XPNPEP2: variants seen among roughly 807,000 people sequenced by gnomAD.
The protein encoded by XPNPEP2 is X-prolyl aminopeptidase 2.
A neutral mutation model predicts 59.8 loss-of-function variants in XPNPEP2; 64 were observed. That is an observed-to-expected ratio of 1.07 (90% confidence interval 0.87 to 1.32). XPNPEP2 has a LOEUF of 1.32. Among genes scored for constraint, XPNPEP2 ranks in the 40% most tolerant of loss-of-function variants. XPNPEP2 has a pLI of 0.00. For missense variants in XPNPEP2, 575 were observed against 546.8 expected (o/e 1.05, Z -0.51); for synonymous variants, 235 against 210.0 (o/e 1.12, Z -1.03).
At chrX:129,742,747 A>C (rs550488093) in intron 2 of XPNPEP2, among the ~76,000 whole-genome samples, 3 of 111,028 alleles carry the variant, frequency 2.7e-5, no homozygotes, top group Middle Eastern at 4.6e-3. Flanking sequence ...ACTAAAAATA[A>C]AAAAATTAGC....
intron 17 of XPNPEP2, 113 bp from the exon 18 acceptor site, chrX:129,761,893 T>C (rs1926663100): frequency 2.8e-6 from 2 of 721,701 alleles, no homozygotes; most frequent in African/African-American, 2.1e-5. Context: ...GATGGACCTG[T>C]GCTCATAGAG....
Position 129,750,501 on chromosome X carries a change from G to T in XPNPEP2, c.671G>T (p.Arg224Leu), listed in dbSNP as rs144474012. 6 of 1,195,711 alleles carry T rather than the reference G, an allele frequency of 5.0e-6. No homozygotes were observed. The African/African-American group carries it at 5.2e-5, about 10-fold the overall frequency. ...STWQEKVSGVRSQMQKHQKVP... is the reference protein window; with the variant it reads ...STWQEKVSGVLSQMQKHQKVP... Reference sequence around the variant, plus strand: ...TGGCAGGAGAAAGTATCTGGCGTCCGAAGCCAGATGCAGAAGCATCAAAAG... The same window carrying T: ...TGGCAGGAGAAAGTATCTGGCGTCCTAAGCCAGATGCAGAAGCATCAAAAG... Residue 224 changes from arginine (R) to leucine (L), a missense_variant, in exon 8 of 21, where the codon CGA becomes CTA. Transcript: ENST00000371106.
In XPNPEP2 at chrX:129,759,208, G is replaced by C; in HGVS notation, c.1396G>C (p.Val466Leu). The C allele has an allele frequency of 8.3e-7, 1 of 1,211,839 alleles. No homozygotes were observed. The highest frequency in any genetic ancestry group is 2.2e-5 in the Admixed American group (1 of 46,042). The change falls in exon 15 of 21, where the codon GTC (valine) becomes CTC (leucine). Residue 466 changes from valine to leucine, a missense_variant. Transcript: ENST00000371106. ...WDGTTDITRT[V>L]HWGTPSAFQK... ...CGGGACCACAGACATCACCAGAACA[G>C]TCCACTGGGGCACCCCCTCTGCCTT...
At position 129,742,179 on chromosome X, in the gene XPNPEP2, C is replaced by A. The variant is rs147873278; in HGVS notation, c.121C>A (p.Pro41Thr). ...QDVRNCSTNP[P>T]YLPVTVVNTT... ...TGTGAGAAACTGTTCCACCAACCCC[C>A]CTGTGAGTGCCCCCTGCCCCCCGCG... The change falls in exon 2 of 21, where the codon CCT becomes ACT. Residue 41 changes from proline (P) to threonine (T), a missense_variant and splice_region_variant. Coordinates refer to ENST00000371106, the MANE Select transcript of XPNPEP2 (RefSeq NM_003399.6). The A allele has an allele frequency of 5.1e-6, 6 of 1,177,861 alleles. No individual in the cohort carries two copies. In the Admixed American group the frequency reaches 1.3e-4, roughly 26 times the overall value.
intron 17 of XPNPEP2, 136 bp from the exon 18 acceptor site, chrX:129,761,870 C>A: frequency 1.7e-6 from 1 of 600,112 alleles, no homozygotes; most frequent in East Asian, 3.4e-5. Context: ...CAGGCCCAGG[C>A]AGACAATGAT....
Position 129,747,669 on chromosome X carries a change from ACCAATCT to A in XPNPEP2, c.554_560del (p.Thr185MetfsTer101). Reference sequence around the variant, plus strand: ...TAACAGACAGCTGGTGTCCATCACAACCAATCTTGTGGACCTGGTATGGGGATCAGAG... The same window carrying A: ...TAACAGACAGCTGGTGTCCATCACAATGTGGACCTGGTATGGGGATCAGAG... On this transcript the variant is annotated frameshift_variant, in exon 7 of 21. Transcript: ENST00000371106. LOFTEE classifies it high-confidence loss of function. The A allele has an allele frequency of 2.5e-6, 3 of 1,212,154 alleles. No homozygotes were observed. Among genetic ancestry groups the A allele is most frequent in the Non-Finnish European group, 3.3e-6 (3 of 895,642 alleles).
At chrX:129,740,467 A>C (rs1316689259) in intron 1 of XPNPEP2, among the ~76,000 whole-genome samples, 1 of 109,467 alleles carries the variant, frequency 9.1e-6, no homozygotes, top group Middle Eastern at 4.3e-3. Flanking sequence ...TCTCTATTAA[A>C]ATTACAAAAA....
At chrX:129,757,869 G>A (rs866371768) in intron 14 of XPNPEP2, among the ~76,000 whole-genome samples, 271 of 61,366 alleles carry the variant, frequency 4.4e-3, no homozygotes, top group African/African-American at 0.012. Flanking sequence ...GAGGGAGAGA[G>A]AGAAAGAGAG....
rs776648536 is a variant in XPNPEP2 at position 129,739,278 on chromosome X, C to G, written c.49+16C>G. 8.3e-7 allele frequency: 1 copy of G among 1,204,834 alleles called. No individual in the cohort carries two copies. Among genetic ancestry groups the G allele is most frequent in the East Asian group, 3.0e-5 (1 of 33,706 alleles). On this transcript the variant is annotated intron_variant, in intron 1 of 20. Coordinates refer to ENST00000371106, the MANE Select transcript of XPNPEP2 (RefSeq NM_003399.6). ...CTCCTCTGTGGTATGTGCATCCTAGCTTCCACTGGAAGGCAGCTCTGACCT... is the reference window on the plus strand; with the variant it reads ...CTCCTCTGTGGTATGTGCATCCTAGGTTCCACTGGAAGGCAGCTCTGACCT...
At chrX:129,760,309 C>A (rs1346322939) in intron 15 of XPNPEP2, among the ~76,000 whole-genome samples, 1 of 112,726 alleles carries the variant, frequency 8.9e-6, no homozygotes, top group Non-Finnish European at 1.9e-5. Context: ...CGTGATGGAG[C>A]CCCAGCTTTG....
intron 3 of XPNPEP2, among the ~76,000 whole-genome samples, chrX:129,744,878 C>T (rs1487791823): frequency 8.9e-6 from 1 of 112,288 alleles, no homozygotes; most frequent in African/African-American, 3.2e-5. Flanking sequence ...AGCCAAAAGA[C>T]AGGACCCTAG....
chrX:129,753,557 C>A (rs1255521008), intron 11 of XPNPEP2, among the ~76,000 whole-genome samples: 1 of 110,955 alleles, frequency 9.0e-6, no homozygotes, highest in African/African-American at 3.3e-5. Flanking sequence ...GCACGAGAAT[C>A]GCTTGAACCT....
Position 129,752,297 on chromosome X carries a change from G to T in XPNPEP2, c.969G>T (p.Trp323Cys), listed in dbSNP as rs373669503. 21 of 1,210,498 alleles carry T rather than the reference G, an allele frequency of 1.7e-5. No individual in the cohort carries two copies. The highest frequency in any genetic ancestry group is 2.0e-5 in the Non-Finnish European group (18 of 895,389). Residue 323 changes from tryptophan (W) to cysteine (C), a missense_variant, in exon 10 of 21, where the codon TGG (tryptophan) becomes TGT (cysteine). Coordinates refer to ENST00000371106, the MANE Select transcript of XPNPEP2 (RefSeq NM_003399.6). ...QAYSLGDVRIWIGTSYTMYGI... is the reference protein window; with the variant it reads ...QAYSLGDVRICIGTSYTMYGI... The stretch of plus-strand genomic sequence containing the variant: ...ACTCATTGGGAGATGTGAGGATCTG[G>T]ATTGGGACCAGCTATACCATGTATG...
chrX:129,756,998 ATATAT>A (rs1926531879), intron 14 of XPNPEP2, among the ~76,000 whole-genome samples: 1 of 71,051 alleles, frequency 1.4e-5, no homozygotes, highest in African/African-American at 1.1e-4. Flanking sequence ...ATGCCCAGCT[ATATAT>A]ATATATATAT....
Position 129,744,036 on chromosome X carries a change from T to A in XPNPEP2, c.199T>A (p.Ser67Thr), listed in dbSNP as rs770099610. ...CCAGCAGATGCAGACCCAGAATCTCTCAGCCTACATCATCCCAGGCACAGA... is the reference window on the plus strand; with the variant it reads ...CCAGCAGATGCAGACCCAGAATCTCACAGCCTACATCATCCCAGGCACAGA... The part of the protein sequence containing the change: ...LRQQMQTQNL[S>T]AYIIPGTDAH... The change falls in exon 3 of 21, where the codon TCA (serine) becomes ACA (threonine). Residue 67 changes from serine to threonine, a missense_variant. Transcript: ENST00000371106. The A allele has an allele frequency of 8.3e-6, 10 of 1,211,484 alleles. No individual in the cohort carries two copies. In the South Asian group the frequency reaches 1.8e-4, roughly 21 times the overall value.
chrX:129,753,819 C>G (rs1179399144), intron 11 of XPNPEP2, among the ~76,000 whole-genome samples: 1 of 110,748 alleles, frequency 9.0e-6, no homozygotes, highest in African/African-American at 3.3e-5. Flanking sequence ...TGACCTTGAC[C>G]AAGTCATTTT....
chrX:129,757,668 T>G (rs1926551341), intron 14 of XPNPEP2, among the ~76,000 whole-genome samples: 1 of 106,087 alleles, frequency 9.4e-6, no homozygotes, highest in South Asian at 4.2e-4. Context: ...TTTCCGGGTG[T>G]GGTGGAGCAT....
At chrX:129,753,085 C>T in intron 10 of XPNPEP2, 74 bp from the exon 11 acceptor site, 1 of 888,103 alleles carries the variant, frequency 1.1e-6, no homozygotes, top group African/African-American at 1.9e-5. Flanking sequence ...CACCCCTGTG[C>T]CATGGAGACC....
intron 8 of XPNPEP2, among the ~76,000 whole-genome samples, 150 bp from the exon 9 acceptor site, chrX:129,751,574 GAAAGAAAGAAAGAAAGAAAGA>G (rs1569476559): frequency 1.2e-3 from 88 of 71,896 alleles, no homozygotes; most frequent in African/African-American, 4.0e-3. Flanking sequence ...AAGAAAGAAA[GAAAGAAAGAAAGAAAGAAAGA>G]AAGGAAGGAA....
Sources: allele counts gnomAD v4.1 joint callset (sites outside exome capture counted in the v4.1 genomes callset), GRCh38; gene constraint gnomAD v4.1.1; transcripts MANE v1.5; gene names NCBI Gene and HGNC (gene_info 2026-07-23, HGNC 2026-07-21).